SPAG7: variants seen among roughly 807,000 people sequenced by gnomAD.
SPAG7 encodes sperm-associated antigen 7.
Under a neutral mutation model 30.6 loss-of-function variants are expected in SPAG7, and 20 were observed. The ratio of observed to expected loss-of-function variants is 0.65; its 90% confidence interval spans 0.46 to 0.95. The LOEUF is 0.95. SPAG7 is among the 40% of genes least tolerant of loss of function. SPAG7 has a pLI of 0.00. For missense variants in SPAG7, 276 were observed against 291.1 expected (o/e 0.95, Z 0.38); for synonymous variants, 127 against 104.2 (o/e 1.22, Z -1.33).
At chr17:4,959,939 T>C (rs374133141) in intron 5 of SPAG7, 23 bp from the exon 6 acceptor site, 4 of 1,612,760 alleles carry the variant, frequency 2.5e-6, no homozygotes, top group African/African-American at 2.7e-5. Flanking sequence ...GTGGGGGCAC[T>C]GGTGCTCAGG....
At position 4,959,547 on chromosome 17, in the gene SPAG7, G is replaced by A. The variant is rs761873889; in HGVS notation, c.671C>T (p.Pro224Leu). 42 of 1,613,044 alleles carry A rather than the reference G, an allele frequency of 2.6e-5. No individual in the cohort carries two copies. The African/African-American group carries it at 2.9e-4, about 11-fold the overall frequency. ...TGGGCGGGGCGCCTAGGAGGTTGGC[G>A]GCAACTCTTCCCCACTCTGCCGCAG... ...KRLRQSGEEL[P>L]PTS The change falls in exon 7 of 7, where the codon CCG becomes CTG. Residue 224 changes from proline (P) to leucine (L), a missense_variant. Pro to Leu is a moderately conservative substitution (Grantham distance 98). Coordinates refer to ENST00000206020, the MANE Select transcript of SPAG7 (RefSeq NM_004890.3).
At chr17:4,962,410 C>T (rs533418026) in intron 1 of SPAG7, among the ~76,000 whole-genome samples, 10 of 152,142 alleles carry the variant, frequency 6.6e-5, no homozygotes, top group Non-Finnish European at 7.4e-5. Flanking sequence ...CCACTGCACC[C>T]GGCCTATTTA....
Position 4,967,763 on chromosome 17 carries a change from C to T in SPAG7, c.42G>A (p.Lys14=), listed in dbSNP as rs1163127385. The change falls in exon 1 of 7, where the codon AAG becomes AAA. Residue 14 remains lysine (K), a synonymous_variant. Coordinates refer to ENST00000206020, the MANE Select transcript of SPAG7 (RefSeq NM_004890.3). ...TCTCCTGGTCACCGAGGCTGGGTGG[C>T]TTCTCCATGGAGCTCAGGATGGAGC... ...LLGSILSSME[K]PPSLGDQETR... 8.7e-6 allele frequency: 14 copies of T among 1,614,042 alleles called. No homozygotes were observed. The highest frequency in any genetic ancestry group is 2.2e-5 in the East Asian group (1 of 44,902).
At chr17:4,964,357 C>CT (rs1169648266) in intron 1 of SPAG7, among the ~76,000 whole-genome samples, 4,245 of 110,056 alleles carry the variant, frequency 0.039, 200 homozygotes, top group East Asian at 0.072. Flanking sequence ...TCCTTTACAT[C>CT]TTTTTTTTTT....
intron 2 of SPAG7, 39 bp from the exon 3 acceptor site, chr17:4,960,586 C>A: frequency 6.5e-7 from 1 of 1,543,926 alleles, no homozygotes; most frequent in Non-Finnish European, 8.9e-7. Context: ...GAGACAATGG[C>A]TCCACCCAAG....
At chr17:4,964,508 C>A (rs1426028296) in intron 1 of SPAG7, among the ~76,000 whole-genome samples, 4 of 149,166 alleles carry the variant, frequency 2.7e-5, no homozygotes, top group Non-Finnish European at 4.5e-5. Context: ...ACTACAGGCG[C>A]CCGCCACCAC....
rs753084609 is a variant in SPAG7, at chr17:4,967,748, A to C, written c.57T>G (p.Gly19=). 1.9e-6 allele frequency: 3 copies of C among 1,614,068 alleles called. No individual in the cohort carries two copies. In the Admixed American group the frequency reaches 5.0e-5, roughly 27 times the overall value. ...GGGCCTTGCGCCGAGTCTCCTGGTC[A>C]CCGAGGCTGGGTGGCTTCTCCATGG... ...LSSMEKPPSL[G]DQETRRKARE... is the part of the protein sequence containing the mutation. The change falls in exon 1 of 7, where the codon GGT becomes GGG. Residue 19 remains glycine (G), a synonymous_variant. Coordinates refer to ENST00000206020, the MANE Select transcript of SPAG7 (RefSeq NM_004890.3).
At chr17:4,960,902 G>C in intron 1 of SPAG7, 49 bp from the exon 2 acceptor site, 1 of 1,564,696 alleles carries the variant, frequency 6.4e-7, no homozygotes, top group South Asian at 1.1e-5. Context: ...AGCATGGGTG[G>C]GAAAGGTTTC....
At chr17:4,965,336 C>T in intron 1 of SPAG7, among the ~76,000 whole-genome samples, 1 of 152,036 alleles carries the variant, frequency 6.6e-6, no homozygotes, top group East Asian at 1.9e-4. Flanking sequence ...GGCATGAGCC[C>T]TCTCCCCATT....
At chr17:4,960,183 G>T (rs1158777097) in intron 4 of SPAG7, 51 bp downstream of exon 4, 4 of 1,600,270 alleles carry the variant, frequency 2.5e-6, no homozygotes, top group Admixed American at 3.3e-5. Flanking sequence ...CGGGGAGGGG[G>T]GATAAGGCTA....
intron 1 of SPAG7, among the ~76,000 whole-genome samples, chr17:4,964,719 C>T (rs1395428132): frequency 6.6e-6 from 1 of 151,662 alleles, no homozygotes; most frequent in East Asian, 2.0e-4. Flanking sequence ...TCTCCAGCTG[C>T]ACTGAACCTC....
At chr17:4,966,749 G>C (rs1189831294) in intron 1 of SPAG7, 1 of 985,314 alleles carries the variant, frequency 1.0e-6, no homozygotes, top group East Asian at 1.1e-4. Context: ...CCCGGACTGT[G>C]GCCTCCCTGA....
rs752638184 is a variant in SPAG7 at position 4,959,981 on chromosome 17, G to C, written c.417+41C>G. The stretch of plus-strand genomic sequence containing the variant: ...GCCCAAACCCCCACCCCTCCCAGGT[G>C]GTGGGCTTCTGGACCCCAAGGGCTG... On this transcript the variant is annotated intron_variant, in intron 5 of 6. Transcript: ENST00000206020. 4 of 1,613,458 alleles carry C rather than the reference G, an allele frequency of 2.5e-6. No individual in the cohort carries two copies. The African/African-American group carries it at 4.0e-5, about 16-fold the overall frequency.
chr17:4,964,559 C>A (rs1971917718), intron 1 of SPAG7, among the ~76,000 whole-genome samples: 1 of 151,702 alleles, frequency 6.6e-6, no homozygotes, highest in Non-Finnish European at 1.5e-5. Flanking sequence ...GACAAGGTTT[C>A]ACCGTTTTAG....
At chr17:4,963,783 A>G (rs566059252) in intron 1 of SPAG7, among the ~76,000 whole-genome samples, 13 of 152,070 alleles carry the variant, frequency 8.5e-5, no homozygotes, top group East Asian at 1.9e-4. Flanking sequence ...TTAACTTTCT[A>G]TATTTTGTAA....
Position 4,959,382 on chromosome 17 carries a change from ACAAAT to A in SPAG7, c.*147_*151del. ...CGCACATATCCAAGCTCCAACGGTG[ACAAAT>A]CAAACACCTGTTTTCCCCCAGCCTG... On this transcript the variant is annotated 3_prime_UTR_variant, in exon 7 of 7. Coordinates refer to ENST00000206020, the MANE Select transcript of SPAG7 (RefSeq NM_004890.3). The A allele has an allele frequency of 3.1e-6, 2 of 643,004 alleles. No individual in the cohort carries two copies. The highest frequency in any genetic ancestry group is 5.5e-6 in the Non-Finnish European group (2 of 363,558). 39.8% of individuals were successfully genotyped at this position (643,004 alleles called of 1,614,324 possible). A position where few individuals can be genotyped will look rare whatever the true frequency, so the allele number is the denominator to read the frequency against.
Position 4,959,263 on chromosome 17 carries a change from A to C in SPAG7, c.*271T>G. 3.7e-6 allele frequency: 2 copies of C among 542,584 alleles called. No homozygotes were observed. The highest frequency in any genetic ancestry group is 5.0e-5 in the South Asian group (2 of 40,114). 33.6% of individuals were successfully genotyped at this position (542,584 alleles called of 1,614,324 possible). A position where few individuals can be genotyped will look rare whatever the true frequency, so the allele number is the denominator to read the frequency against. ...GTATTTATTGAATGTAAAGTACCCC[A>C]GCCCCATGGGGAAGAAAATTCCAAG... On this transcript the variant is annotated 3_prime_UTR_variant, in exon 7 of 7. Coordinates refer to ENST00000206020, the MANE Select transcript of SPAG7 (RefSeq NM_004890.3).
intron 1 of SPAG7, among the ~76,000 whole-genome samples, chr17:4,961,168 G>T (rs560131796): frequency 6.6e-6 from 1 of 152,212 alleles, no homozygotes; most frequent in East Asian, 1.9e-4. Context: ...AAGAGATTAA[G>T]AATAATAGAC....
At position 4,959,556 on chromosome 17, in the gene SPAG7, T is replaced by A. The variant is rs1971823550; in HGVS notation, c.662A>T (p.Glu221Val). 1 of 1,613,466 alleles carries A rather than the reference T, an allele frequency of 6.2e-7. No homozygotes were observed. The highest frequency in any genetic ancestry group is 1.3e-5 in the African/African-American group (1 of 74,886). Residue 221 changes from glutamate (E) to valine (V), a missense_variant, in exon 7 of 7, where the codon GAA becomes GTA. Transcript: ENST00000206020. ...RAKKRLRQSG[E>V]ELPPTS ...CGCCTAGGAGGTTGGCGGCAACTCT[T>A]CCCCACTCTGCCGCAGACGCTTCTT...
Sources: gnomAD v4.1 joint callset for allele counts (sites outside exome capture counted in the v4.1 genomes callset) on GRCh38, gnomAD v4.1.1 for gene constraint, MANE v1.5 for transcripts, NCBI Gene and HGNC (gene_info 2026-07-23, HGNC 2026-07-21) for gene names.